Variants in SCN2A observed in about 807,000 individuals in gnomAD.
SCN2A encodes the protein sodium voltage-gated channel alpha subunit 2.
SCN2A carries 20 observed loss-of-function variants against 188.7 expected under a neutral mutation model. That is an observed-to-expected ratio of 0.11 (90% CI 0.07 to 0.15). SCN2A has a LOEUF of 0.15. Among genes scored for constraint, SCN2A ranks in the 10% least tolerant of loss-of-function variants. The pLI is 1.00. For missense variants in SCN2A, 1,278 were observed against 2,445.0 expected (o/e 0.52, Z 10.07); for synonymous variants, 804 against 833.1 (o/e 0.97, Z 0.60).
intron 1 of SCN2A, among the ~76,000 whole-genome samples, chr2:165,263,873 T>C (rs1198034953): frequency 2.8e-5 from 4 of 140,526 alleles, no homozygotes; most frequent in Non-Finnish European, 4.5e-5. Flanking sequence ...TTAAGTATAT[T>C]CCTAAGTATT....
At chr2:165,348,527 T>G (rs906783903) in intron 16 of SCN2A, among the ~76,000 whole-genome samples, 1 of 152,190 alleles carries the variant, frequency 6.6e-6, no homozygotes, top group East Asian at 1.9e-4. Flanking sequence ...TTGATAATTC[T>G]GATCTATTTT....
intron 1 of SCN2A, chr2:165,294,095 C>T: frequency 7.2e-6 from 7 of 971,456 alleles, no homozygotes; most frequent in Non-Finnish European, 8.5e-6. Flanking sequence ...TTGGTGCCAG[C>T]TTATCAATCC....
At chr2:165,319,459 G>A (rs1364501696) in intron 11 of SCN2A, among the ~76,000 whole-genome samples, 1 of 152,208 alleles carries the variant, frequency 6.6e-6, no homozygotes, top group African/African-American at 2.4e-5. Flanking sequence ...TTGAGAAAAA[G>A]TAATTCTTTA....
At chr2:165,298,986 A>G (rs150055267) in intron 3 of SCN2A, among the ~76,000 whole-genome samples, 68 of 152,328 alleles carry the variant, frequency 4.5e-4, no homozygotes, top group East Asian at 3.7e-3. Flanking sequence ...CTTGTCGTGC[A>G]TCTGAATGAT....
intron 1 of SCN2A, among the ~76,000 whole-genome samples, chr2:165,282,115 A>G (rs1348951411): frequency 6.6e-6 from 1 of 152,142 alleles, no homozygotes; most frequent in Non-Finnish European, 1.5e-5. Context: ...CGGGGATTTG[A>G]TCACAAGCTC....
In SCN2A at chr2:165,367,241, G is replaced by T. The variant is rs2105359539; in HGVS notation, c.3545G>T (p.Cys1182Phe). 6.2e-7 allele frequency: 1 copy of T among 1,614,090 alleles called. No homozygotes were observed. ...GACTGTGTACGGAAGTTCAAGTGTT[G>T]TCAGATAAGCATAGAAGAAGGCAAA... ...TEDCVRKFKC[C>F]QISIEEGKGK... Residue 1182 changes from cysteine (C) to phenylalanine (F), a missense_variant, in exon 19 of 27, where the codon TGT becomes TTT. Coordinates refer to ENST00000375437, the MANE Select transcript of SCN2A (RefSeq NM_001040142.2).
chr2:165,332,305 TTTTTAGGCTC>T (rs1343197063), intron 14 of SCN2A, among the ~76,000 whole-genome samples: 1 of 151,998 alleles, frequency 6.6e-6, no homozygotes, highest in Admixed American at 6.6e-5. Flanking sequence ...ATATACAATA[TTTTTAGGCTC>T]TGAAGTAACC....
In SCN2A at chr2:165,313,907, A is replaced by G. The variant is rs1213016916; in HGVS notation, c.1182A>G (p.Leu394=). 6.2e-7 allele frequency: 1 copy of G among 1,613,722 alleles called. No individual in the cohort carries two copies. The highest frequency in any genetic ancestry group is 8.5e-7 in the Non-Finnish European group (1 of 1,179,780). The change falls in exon 10 of 27, where the codon CTA becomes CTG. Residue 394 remains leucine (L), a synonymous_variant. Transcript: ENST00000375437. ...ATCTCTCTTCCATTTTGCAGACACT[A>G]CGTGCTGCTGGGAAAACGTACATGA... ...DFWENLYQLT[L]RAAGKTYMIF... is the part of the protein sequence containing the mutation.
chr2:165,307,982 T>C, intron 4 of SCN2A, 45 bp downstream of exon 4: 1 of 1,330,292 alleles, frequency 7.5e-7, no homozygotes, highest in South Asian at 1.2e-5. Context: ...TTATGTTTCA[T>C]ATTGTGCTTT....
At chr2:165,290,521 A>G (rs771726002) in intron 1 of SCN2A, 3 of 152,294 alleles carry the variant, frequency 2.0e-5, no homozygotes, top group African/African-American at 7.3e-5. Context: ...GTAGATTTTT[A>G]TTAAAAAAAG....
Position 165,239,497 on chromosome 2 carries a change from T to C in SCN2A, c.-195T>C, listed in dbSNP as rs1307383342. 2.9e-6 allele frequency: 1 copy of C among 344,380 alleles called. No individual in the cohort carries two copies. The highest frequency in any genetic ancestry group is 2.2e-5 in the African/African-American group (1 of 45,032). The allele number at this position is 344,380 out of a possible 1,614,324, so 21.3% of individuals were successfully genotyped here. On this transcript the variant is annotated 5_prime_UTR_variant, in exon 1 of 27. Transcript: ENST00000375437. ...AGGATGCTGTGGTCATCCTTTCTTG[T>C]TTTTTTCTTCTTTAATGAGGATAGA...
intron 20 of SCN2A, chr2:165,372,938 C>T: frequency 1.2e-5 from 3 of 253,404 alleles, no homozygotes; most frequent in East Asian, 8.5e-5. Flanking sequence ...AAAAACATTT[C>T]CTACCAAGAA....
chr2:165,248,622 CT>C (rs1307965086), intron 1 of SCN2A, among the ~76,000 whole-genome samples: 2 of 151,992 alleles, frequency 1.3e-5, no homozygotes, highest in Non-Finnish European at 2.9e-5. Flanking sequence ...TTGCTTTGTT[CT>C]TTTTTTCCTT....
Position 165,367,537 on chromosome 2 carries a change from G to A in SCN2A, c.3675+166G>A, listed in dbSNP as rs2304010. On this transcript the variant is annotated intron_variant, in intron 19 of 26. Coordinates refer to ENST00000375437, the MANE Select transcript of SCN2A (RefSeq NM_001040142.2). ...AGAGGCTTAGTAAATAGCAATTTTT[G>A]TCACTCTGTCTGGAGTAGCCCTCGG... Among the ~76,000 whole-genome samples, 64,533 of 152,072 alleles carry A rather than the reference G, an allele frequency of 0.42. 13,922 individuals are homozygous for A. Among genetic ancestry groups the A allele is most frequent in the East Asian group, 0.53 (2,766 of 5,174 alleles).
intron 1 of SCN2A, among the ~76,000 whole-genome samples, chr2:165,256,469 T>A (rs755247601): frequency 1.3e-5 from 2 of 152,188 alleles, no homozygotes; most frequent in Admixed American, 6.5e-5. Flanking sequence ...TCCTCAGGGC[T>A]TTTGCACCAT....
chr2:165,313,385 T>G (rs1574566098), intron 8 of SCN2A, among the ~76,000 whole-genome samples: 2 of 152,218 alleles, frequency 1.3e-5, no homozygotes, highest in South Asian at 4.1e-4. Context: ...GGAGACATAA[T>G]AAATATAATA....
intron 18 of SCN2A, among the ~76,000 whole-genome samples, chr2:165,366,174 C>T (rs965543449): frequency 1.8e-4 from 28 of 152,090 alleles, no homozygotes; most frequent in Non-Finnish European, 3.5e-4. Context: ...TCTCATAATA[C>T]TTTGTTTTGT....
At chr2:165,247,178 T>A (rs1039370003) in intron 1 of SCN2A, among the ~76,000 whole-genome samples, 1 of 152,210 alleles carries the variant, frequency 6.6e-6, no homozygotes, top group African/African-American at 2.4e-5. Context: ...AGCATTTTAT[T>A]TCTCTGTCTC....
chr2:165,294,038 A>AAAT, intron 1 of SCN2A: 2 of 799,666 alleles, frequency 2.5e-6, no homozygotes, highest in South Asian at 6.0e-5. Context: ...AAAAAAAAAA[A>AAAT]GATTTTTTTT....
Sources: gnomAD v4.1 joint callset for allele counts (sites outside exome capture counted in the v4.1 genomes callset) on GRCh38, gnomAD v4.1.1 for gene constraint, MANE v1.5 for transcripts, NCBI Gene and HGNC (gene_info 2026-07-23, HGNC 2026-07-21) for gene names.